The following UBAP2L variants were observed in gnomAD, a reference collection of about 807,000 sequenced individuals.
The protein encoded by UBAP2L is ubiquitin-associated protein 2-like.
A neutral mutation model predicts 130.6 loss-of-function variants in UBAP2L; 12 were observed. That is an observed-to-expected ratio of 0.09 (90% CI 0.06 to 0.15). UBAP2L has a LOEUF of 0.15. UBAP2L is among the 10% of genes least tolerant of loss of function. UBAP2L has a pLI of 1.00. For synonymous variants in UBAP2L, 503 were observed against 524.7 expected, an observed-to-expected ratio of 0.96 and a Z score of 0.57; for missense variants, 965 against 1,332.5, an observed-to-expected ratio of 0.72 and a Z score of 4.29.
chr1:154,266,322 C>G, intron 24 of UBAP2L, 179 bp from the exon 25 acceptor site: 1 of 686,530 alleles, frequency 1.5e-6, no homozygotes, highest in Admixed American at 2.2e-5. Flanking sequence ...GCCAAAGAAC[C>G]CTTAGGGAGC....
At chr1:154,259,891 C>A in intron 21 of UBAP2L, 57 bp from the exon 22 acceptor site, 1 of 1,533,104 alleles carries the variant, frequency 6.5e-7, no homozygotes, top group Non-Finnish European at 9.0e-7. Context: ...GGAAATAGTA[C>A]TCATGCTGGG....
chr1:154,225,476 T>G (rs1221936510), intron 2 of UBAP2L, among the ~76,000 whole-genome samples: 4 of 152,078 alleles, frequency 2.6e-5, no homozygotes, highest in Non-Finnish European at 4.4e-5. Context: ...TCTTTTTTTT[T>G]TTTGTTTTGT....
intron 26 of UBAP2L, 117 bp downstream of exon 26, chr1:154,269,071 G>C (rs751383343): frequency 2.3e-5 from 29 of 1,249,114 alleles, no homozygotes; most frequent in Non-Finnish European, 2.9e-5. Flanking sequence ...TCCCTCCCCA[G>C]CGCCAGTCAT....
rs1421111897 is a variant in UBAP2L, at chr1:154,228,745, T to C, written c.279+20T>C. Reference sequence around the variant, plus strand: ...GACACGGTAGAGTGCTTATAGAGTGTTCTAGGACATGGGTCCTCAATTGGG... The same window carrying C: ...GACACGGTAGAGTGCTTATAGAGTGCTCTAGGACATGGGTCCTCAATTGGG... On this transcript the variant is annotated intron_variant, in intron 4 of 26. Coordinates refer to ENST00000428931, the MANE Select transcript of UBAP2L (RefSeq NM_014847.4). 6.3e-7 allele frequency: 1 copy of C among 1,575,432 alleles called. No individual in the cohort carries two copies. Among genetic ancestry groups the C allele is most frequent in the Non-Finnish European group, 8.7e-7 (1 of 1,153,998 alleles).
intron 25 of UBAP2L, 130 bp downstream of exon 25, chr1:154,266,698 A>G: frequency 2.1e-6 from 2 of 934,924 alleles, no homozygotes; most frequent in South Asian, 2.8e-5. Context: ...TACTTTTTCT[A>G]AATGAAAGGT....
At chr1:154,231,914 C>T (rs1168927475) in intron 4 of UBAP2L, among the ~76,000 whole-genome samples, 1 of 152,150 alleles carries the variant, frequency 6.6e-6, no homozygotes, top group Non-Finnish European at 1.5e-5. Context: ...ATACTATTAT[C>T]AATCCTGATA....
chr1:154,253,929 A>G lies in UBAP2L; in HGVS notation c.1694A>G (p.Gln565Arg). The G allele has an allele frequency of 1.2e-6, 2 of 1,614,102 alleles. No homozygotes were observed. The highest frequency in any genetic ancestry group is 1.7e-5 in the Admixed American group (1 of 60,008). ...SESSSTISSNQSQESGYQSGP... is the reference protein window; with the variant it reads ...SESSSTISSNRSQESGYQSGP... ...TCATCCTCTACAATTTCATCTAACC[A>G]GAGTCAGGAGTCTGGTTATCAGAGC... Residue 565 changes from glutamine (Q) to arginine (R), a missense_variant, in exon 15 of 27, where the codon CAG becomes CGG. By Grantham distance (43) the Gln-to-Arg change is conservative. Coordinates refer to ENST00000428931, the MANE Select transcript of UBAP2L (RefSeq NM_014847.4).
At chr1:154,234,019 C>T (rs1670797271) in intron 4 of UBAP2L, among the ~76,000 whole-genome samples, 1 of 151,892 alleles carries the variant, frequency 6.6e-6, no homozygotes. Context: ...CCTATAAGTA[C>T]CTTCCCTACA....
intron 24 of UBAP2L, chr1:154,263,341 T>C (rs754483145): frequency 1.2e-5 from 17 of 1,423,378 alleles, no homozygotes; most frequent in Non-Finnish European, 1.5e-5. Flanking sequence ...CTCTCCCCCA[T>C]GTGTCTGACC....
intron 12 of UBAP2L, among the ~76,000 whole-genome samples, chr1:154,250,427 T>C (rs1677172004): frequency 1.3e-5 from 2 of 152,280 alleles, no homozygotes; most frequent in South Asian, 2.1e-4. Flanking sequence ...TGCCATGCCT[T>C]GTTTTTGCTT....
intron 24 of UBAP2L, among the ~76,000 whole-genome samples, chr1:154,264,294 G>T (rs1682554799): frequency 6.6e-6 from 1 of 152,154 alleles, no homozygotes; most frequent in South Asian, 2.1e-4. Context: ...TTTCCCAGGG[G>T]CTGCCATGGT....
At chr1:154,220,327 G>A, upstream of UBAP2L, 1 of 1,613,598 alleles carries the variant, frequency 6.2e-7, no homozygotes, top group Non-Finnish European at 8.5e-7. Context: ...GAATGGGGTG[G>A]GGTAATCTCC....
At chr1:154,259,619 A>G (rs1164749461) in intron 21 of UBAP2L, 1 of 361,288 alleles carries the variant, frequency 2.8e-6, no homozygotes, top group Non-Finnish European at 5.2e-6. Flanking sequence ...ACTTTAAATT[A>G]TCGAATGATC....
chr1:154,248,646 C>T (rs781287586), intron 11 of UBAP2L, among the ~76,000 whole-genome samples: 1 of 152,086 alleles, frequency 6.6e-6, no homozygotes, highest in Non-Finnish European at 1.5e-5. Context: ...GAAACGCTGT[C>T]TCTACTAAAA....
At chr1:154,269,620 G>T in intron 26 of UBAP2L, 2 of 348,140 alleles carry the variant, frequency 5.7e-6, no homozygotes, top group Non-Finnish European at 1.1e-5. Flanking sequence ...CCCCAGCTGT[G>T]GAAAACATTC....
chr1:154,245,632 C>T (rs764818611), intron 10 of UBAP2L, among the ~76,000 whole-genome samples: 35 of 152,072 alleles, frequency 2.3e-4, no homozygotes, highest in South Asian at 6.2e-4. Context: ...CATTTGAGGC[C>T]GGGTGCGGTG....
chr1:154,236,261 C>T (rs1004804506), intron 6 of UBAP2L, among the ~76,000 whole-genome samples: 4 of 152,076 alleles, frequency 2.6e-5, no homozygotes, highest in East Asian at 1.9e-4. Context: ...TGCAGTAGTG[C>T]GGTCTTAGCT....
In UBAP2L at chr1:154,255,239, T is replaced by A; in HGVS notation, c.1997T>A (p.Leu666Gln). The A allele has an allele frequency of 4.3e-6, 7 of 1,614,224 alleles. No individual in the cohort carries two copies. The highest frequency in any genetic ancestry group is 5.9e-6 in the Non-Finnish European group (7 of 1,180,028). The change falls in exon 17 of 27, where the codon CTG (leucine) becomes CAG (glutamine). Residue 666 changes from leucine (L) to glutamine (Q), a missense_variant. Physicochemically the swap from Leu to Gln is moderately radical, Grantham distance 113. Around this residue, in one of 9 missense-constraint regions of UBAP2L, gnomAD observed 393 missense variants for 408.1 expected, o/e 0.96. Transcript: ENST00000428931. ...GAAACGGTATCTGCAGCTTCCTTACTGACGACAACCAATCAGCATTCATCC... is the reference window on the plus strand; with the variant it reads ...GAAACGGTATCTGCAGCTTCCTTACAGACGACAACCAATCAGCATTCATCC... ...LNETVSAASL[L>Q]TTTNQHSSSL...
chr1:154,257,026 T>TTTC (rs754467839), intron 18 of UBAP2L, 37 bp from the exon 19 acceptor site: 1 of 1,595,806 alleles, frequency 6.3e-7, no homozygotes, highest in African/African-American at 1.3e-5. Flanking sequence ...GCTGATCTCT[T>TTTC]TTCTTCTTCT....
Sources: allele counts gnomAD v4.1 joint callset (sites outside exome capture counted in the v4.1 genomes callset), GRCh38; gene constraint gnomAD v4.1.1; regional missense constraint gnomAD v4.1.1; transcripts MANE v1.5; gene names NCBI Gene and HGNC (gene_info 2026-07-23, HGNC 2026-07-21).